Variants in CEMIP observed in about 807,000 individuals in gnomAD.
CEMIP encodes the protein cell migration-inducing and hyaluronan-binding protein.
In CEMIP, 105 loss-of-function variants were observed where a neutral mutation model predicts 156.9. The observed-to-expected ratio is 0.67, with a 90% CI of 0.57 to 0.79. The LOEUF (loss-of-function observed/expected upper bound fraction) is 0.79. Among genes scored for constraint, CEMIP ranks in the 30% least tolerant of loss-of-function variants. The probability of loss-of-function intolerance (pLI) is 0.00; values close to 1 mark genes in which losing one functional copy is unlikely to be tolerated. For synonymous variants in CEMIP, 676 were observed against 668.4 expected (o/e 1.01, Z -0.17); for missense variants, 1,457 against 1,769.4 (o/e 0.82, Z 3.17).
intron 21 of CEMIP, among the ~76,000 whole-genome samples, chr15:80,930,220 C>G (rs899037238): frequency 6.6e-6 from 1 of 152,274 alleles, no homozygotes; most frequent in Non-Finnish European, 1.5e-5. Flanking sequence ...AAGGCAAAAT[C>G]ATGGTCTCCT....
At chr15:80,935,641 G>A (rs994755918) in intron 23 of CEMIP, among the ~76,000 whole-genome samples, 1 of 152,188 alleles carries the variant, frequency 6.6e-6, no homozygotes, top group Non-Finnish European at 1.5e-5. Flanking sequence ...ATCATTGCAC[G>A]TTGGTGTGAT....
Position 80,929,052 on chromosome 15 carries a change from G to C in CEMIP, c.2490G>C (p.Lys830Asn). 6.2e-7 allele frequency: 1 copy of C among 1,614,230 alleles called. No homozygotes were observed. Among genetic ancestry groups the C allele is most frequent in the Non-Finnish European group, 8.5e-7 (1 of 1,180,042 alleles). The stretch of plus-strand genomic sequence containing the variant: ...CCTTCCCGTATGACGACGGCTCCAA[G>C]CAAGAGATAAAGAACAGCTTGTTTG... ...GGTFPYDDGS[K>N]QEIKNSLFVG... Residue 830 changes from lysine to asparagine, a missense_variant, in exon 21 of 30, where the codon AAG becomes AAC. Around this residue, in one of 5 missense-constraint regions of CEMIP, gnomAD observed 798 missense variants for 980.1 expected, o/e 0.81. Transcript: ENST00000394685.
intron 1 of CEMIP, among the ~76,000 whole-genome samples, chr15:80,829,277 TC>T (rs1330359506): frequency 1.3e-5 from 2 of 152,190 alleles, no homozygotes; most frequent in Non-Finnish European, 2.9e-5. Flanking sequence ...TCCCACTCCT[TC>T]CGTCTTCTGG....
intron 1 of CEMIP, among the ~76,000 whole-genome samples, chr15:80,800,572 T>C (rs1291473434): frequency 2.0e-5 from 3 of 152,226 alleles, no homozygotes; most frequent in Non-Finnish European, 4.4e-5. Flanking sequence ...TCATTTTACT[T>C]TGGGACTTTT....
chr15:80,810,957 A>G (rs893215299), intron 1 of CEMIP, among the ~76,000 whole-genome samples: 1 of 152,096 alleles, frequency 6.6e-6, no homozygotes. Flanking sequence ...CCTTCTGTCC[A>G]TTCATTTGCC....
chr15:80,818,245 A>G (rs954456441), intron 1 of CEMIP, among the ~76,000 whole-genome samples: 2 of 152,196 alleles, frequency 1.3e-5, no homozygotes, highest in African/African-American at 4.8e-5. Flanking sequence ...ACCTCCATAT[A>G]TGCTTCTACC....
chr15:80,811,941 C>T (rs544533668), intron 1 of CEMIP, among the ~76,000 whole-genome samples: 4 of 152,292 alleles, frequency 2.6e-5, no homozygotes, highest in Non-Finnish European at 5.9e-5. Flanking sequence ...AGAGAATTTA[C>T]GTCATTGTGC....
At chr15:80,895,198 C>T in intron 11 of CEMIP, 76 bp downstream of exon 11, 3 of 1,592,024 alleles carry the variant, frequency 1.9e-6, no homozygotes, top group Non-Finnish European at 2.6e-6. Flanking sequence ...CAGGCAACTT[C>T]CAGACCTCTC....
chr15:80,934,752 G>T (rs1387461504), intron 23 of CEMIP, among the ~76,000 whole-genome samples: 1 of 152,162 alleles, frequency 6.6e-6, no homozygotes, highest in African/African-American at 2.4e-5. Flanking sequence ...GGTGCAGCTG[G>T]TGGGGGTCAG....
At chr15:80,900,695 TG>T (rs142530792) in intron 12 of CEMIP, 4,343 of 315,152 alleles carry the variant, frequency 0.014, 86 homozygotes, top group Non-Finnish European at 0.019. Context: ...GTGTGTATTT[TG>T]TGTCTGTCTG....
At chr15:80,928,405 T>G (rs1173696740) in intron 19 of CEMIP, among the ~76,000 whole-genome samples, 1 of 152,144 alleles carries the variant, frequency 6.6e-6, no homozygotes, top group Non-Finnish European at 1.5e-5. Context: ...AGCATCTGCC[T>G]GGCTTCCTGG....
chr15:80,897,171 A>C (rs1220133564), intron 12 of CEMIP: 1 of 436,618 alleles, frequency 2.3e-6, no homozygotes, highest in Non-Finnish European at 4.6e-6. Context: ...CACATGCTAC[A>C]GGACCATACC....
chr15:80,871,849 G>T (rs865855476), intron 1 of CEMIP, among the ~76,000 whole-genome samples: 2 of 152,124 alleles, frequency 1.3e-5, no homozygotes, highest in African/African-American at 4.8e-5. Flanking sequence ...TCTTCTGGGG[G>T]CCATGGGAAA....
intron 19 of CEMIP, among the ~76,000 whole-genome samples, chr15:80,925,995 G>A (rs769387884): frequency 8.5e-4 from 129 of 152,264 alleles, no homozygotes; most frequent in South Asian, 1.7e-3. Flanking sequence ...GTTATGATTC[G>A]CTTCCAAATA....
At chr15:80,937,057 G>A (rs1901154012) in intron 24 of CEMIP, among the ~76,000 whole-genome samples, 172 bp downstream of exon 24, 2 of 152,224 alleles carry the variant, frequency 1.3e-5, no homozygotes, top group Non-Finnish European at 2.9e-5. Context: ...CACAGGCCAA[G>A]CCCCCGCTCC....
chr15:80,833,842 G>C (rs761652481), intron 1 of CEMIP, among the ~76,000 whole-genome samples: 17 of 151,756 alleles, frequency 1.1e-4, no homozygotes, highest in Non-Finnish European at 2.2e-4. Context: ...CTAATTTTTT[G>C]TATTTTTAGT....
chr15:80,864,868 C>T (rs569778860), intron 1 of CEMIP, among the ~76,000 whole-genome samples: 2 of 152,288 alleles, frequency 1.3e-5, no homozygotes, highest in African/African-American at 4.8e-5. Context: ...CTGGGCCCCA[C>T]CCTCAGATTT....
At chr15:80,883,730 G>A (rs1039878233) in intron 6 of CEMIP, among the ~76,000 whole-genome samples, 1 of 152,200 alleles carries the variant, frequency 6.6e-6, no homozygotes, top group Non-Finnish European at 1.5e-5. Flanking sequence ...CAAGAATTCT[G>A]GGATTGGTGT....
intron 1 of CEMIP, among the ~76,000 whole-genome samples, chr15:80,872,390 T>C (rs1898326172): frequency 6.6e-6 from 1 of 152,224 alleles, no homozygotes. Flanking sequence ...AGCGACATTA[T>C]AGCCTGAAAA....
Sources: gnomAD v4.1 joint callset for allele counts (sites outside exome capture counted in the v4.1 genomes callset) on GRCh38, gnomAD v4.1.1 for gene constraint, gnomAD v4.1.1 regional missense constraint, MANE v1.5 for transcripts, NCBI Gene and HGNC (gene_info 2026-07-23, HGNC 2026-07-21) for gene names.